The following CRYBA4 variants were observed in gnomAD, a reference collection of about 807,000 sequenced individuals.
The protein encoded by CRYBA4 is beta-crystallin A4.
Under a neutral mutation model 31.7 loss-of-function variants are expected in CRYBA4, and 30 were observed. That is an observed-to-expected ratio of 0.95 (90% CI 0.71 to 1.28). The LOEUF (loss-of-function observed/expected upper bound fraction) is 1.28, where lower values mean the gene tolerates loss of function less well. Among genes scored for constraint, CRYBA4 ranks in the 50% most tolerant of loss-of-function variants. CRYBA4 has a pLI of 0.00. For synonymous variants in CRYBA4, 102 were observed against 102.3 expected, an observed-to-expected ratio of 1.00 and a Z score of 0.02; for missense variants, 225 against 260.7, an observed-to-expected ratio of 0.86 and a Z score of 0.94.
At chr22:26,620,725 G>A (rs1448907824), upstream of CRYBA4, among the ~76,000 whole-genome samples, 1 of 151,958 alleles carries the variant, frequency 6.6e-6, no homozygotes, top group East Asian at 1.9e-4. Context: ...GCTACTCCCG[G>A]CTAATTTTTG....
chr22:26,629,265 G>A (rs1929847393), intron 5 of CRYBA4, among the ~76,000 whole-genome samples: 1 of 151,804 alleles, frequency 6.6e-6, no homozygotes, highest in Non-Finnish European at 1.5e-5. Flanking sequence ...ATGGGAGGTA[G>A]GGTTTTTCAT....
At chr22:26,613,372 C>A in the CRYBA4 span, among the ~76,000 whole-genome samples, 6 of 152,200 alleles carry the variant, frequency 3.9e-5, no homozygotes, top group Admixed American at 3.9e-4. Flanking sequence ...AAGAGAAACT[C>A]CTGTATGTGT....
chr22:26,616,847 G>C, the CRYBA4 span, among the ~76,000 whole-genome samples: 2 of 152,162 alleles, frequency 1.3e-5, no homozygotes, highest in Non-Finnish European at 2.9e-5. Flanking sequence ...CCCAGCTCAG[G>C]CCCAAACAGC....
At chr22:26,596,389 G>A in the CRYBA4 span, among the ~76,000 whole-genome samples, 1 of 152,184 alleles carries the variant, frequency 6.6e-6, no homozygotes, top group Non-Finnish European at 1.5e-5. Flanking sequence ...GAACCACTGT[G>A]CCTGGCCGCA....
chr22:26,592,253 G>A, the CRYBA4 span, among the ~76,000 whole-genome samples: 1 of 152,196 alleles, frequency 6.6e-6, no homozygotes, highest in Admixed American at 6.5e-5. Flanking sequence ...AGGTGTGAAT[G>A]GGGGCATTTG....
chr22:26,591,532 G>A, the CRYBA4 span, among the ~76,000 whole-genome samples: 17 of 150,554 alleles, frequency 1.1e-4, no homozygotes, highest in Non-Finnish European at 2.1e-4. Context: ...CACCAGGTCA[G>A]GAATCCAAGA....
At chr22:26,599,717 G>A in the CRYBA4 span, 39 of 1,524,504 alleles carry the variant, frequency 2.6e-5, no homozygotes, top group South Asian at 5.6e-5. Context: ...AGCCTGTCTC[G>A]TTGCCTGGCA....
At chr22:26,615,456 C>T in the CRYBA4 span, among the ~76,000 whole-genome samples, 87,442 of 151,970 alleles carry the variant, frequency 0.58, 25,560 homozygotes, top group East Asian at 0.8. Context: ...AGCTGTGAAG[C>T]GGTATGGTTT....
intron 4 of CRYBA4, among the ~76,000 whole-genome samples, chr22:26,626,886 A>G (rs1214081742): frequency 6.6e-6 from 1 of 152,180 alleles, no homozygotes; most frequent in Non-Finnish European, 1.5e-5. Context: ...ATTTTGTCAT[A>G]AAATTGGAAT....
rs145837016 is a variant in CRYBA4, at chr22:26,628,353, G to A, written c.366G>A (p.Leu122=). 16 of 1,613,904 alleles carry A rather than the reference G, an allele frequency of 9.9e-6. No homozygotes were observed. The highest frequency in any genetic ancestry group is 2.2e-5 in the East Asian group (1 of 44,884). ...QENFLGKKGE[L]SDDYPSLQAM... is the part of the protein sequence containing the mutation. ...ACTTCCTGGGCAAGAAAGGAGAGCTGAGCGATGACTATCCTTCCCTCCAGG... is the reference window on the plus strand; with the variant it reads ...ACTTCCTGGGCAAGAAAGGAGAGCTAAGCGATGACTATCCTTCCCTCCAGG... Residue 122 remains leucine, a synonymous_variant, in exon 5 of 6, where the codon CTG becomes CTA. Transcript: ENST00000354760.
intron 5 of CRYBA4, among the ~76,000 whole-genome samples, chr22:26,629,182 G>A (rs908198789): frequency 2.0e-5 from 3 of 152,178 alleles, no homozygotes; most frequent in African/African-American, 7.2e-5. Context: ...TAAGGTGTGA[G>A]ATTCTTATTT....
chr22:26,623,812 A>T (rs1343999066), intron 3 of CRYBA4, among the ~76,000 whole-genome samples: 1 of 152,084 alleles, frequency 6.6e-6, no homozygotes, highest in Non-Finnish European at 1.5e-5. Context: ...AGAGAGAGAG[A>T]TTAGTGAGAC....
chr22:26,616,219 C>G, the CRYBA4 span: 2 of 1,614,178 alleles, frequency 1.2e-6, no homozygotes, highest in Non-Finnish European at 1.7e-6. Flanking sequence ...AGTGCCGGGA[C>G]TAGGGGATGT....
chr22:26,614,874 A>T, the CRYBA4 span, among the ~76,000 whole-genome samples: 1 of 152,164 alleles, frequency 6.6e-6, no homozygotes, highest in Admixed American at 6.5e-5. Flanking sequence ...ATGTGTGTAT[A>T]CATTTTTAAA....
upstream of CRYBA4, among the ~76,000 whole-genome samples, chr22:26,618,905 A>G (rs1929449876): frequency 6.6e-6 from 1 of 152,144 alleles, no homozygotes; most frequent in African/African-American, 2.4e-5. Context: ...TCGCCACCCC[A>G]GTTCCCCGCC....
the CRYBA4 span, among the ~76,000 whole-genome samples, chr22:26,608,710 G>C: frequency 6.6e-6 from 1 of 152,098 alleles, no homozygotes; most frequent in African/African-American, 2.4e-5. Flanking sequence ...CGACAGTCTC[G>C]GAGGTACAGG....
chr22:26,613,667 C>A, the CRYBA4 span, among the ~76,000 whole-genome samples: 2 of 152,060 alleles, frequency 1.3e-5, no homozygotes, highest in African/African-American at 4.8e-5. Context: ...CGCCTCAGGA[C>A]CGTGTGATAA....
intron 4 of CRYBA4, among the ~76,000 whole-genome samples, 155 bp downstream of exon 4, chr22:26,625,777 C>T (rs1318398546): frequency 6.6e-6 from 1 of 152,212 alleles, no homozygotes; most frequent in East Asian, 1.9e-4. Context: ...TCGGTTTCTT[C>T]ATCTTGAAAT....
Position 26,625,627 on chromosome 22 carries a change from G to A in CRYBA4, c.300+5G>A. On this transcript the variant is annotated splice_donor_5th_base_variant and intron_variant, in intron 4 of 5. Coordinates refer to ENST00000354760, the MANE Select transcript of CRYBA4 (RefSeq NM_001886.3). ...TTCCGGCCTGCGGCCTGTGCTGTAAGTTCTACCACTGCTGCATCCCGGGGA... is the reference window on the plus strand; with the variant it reads ...TTCCGGCCTGCGGCCTGTGCTGTAAATTCTACCACTGCTGCATCCCGGGGA... 6.2e-7 allele frequency: 1 copy of A among 1,613,636 alleles called. No homozygotes were observed. The highest frequency in any genetic ancestry group is 8.5e-7 in the Non-Finnish European group (1 of 1,179,890).
Sources: allele counts gnomAD v4.1 joint callset (sites outside exome capture counted in the v4.1 genomes callset), GRCh38; gene constraint gnomAD v4.1.1; transcripts MANE v1.5; gene names NCBI Gene and HGNC (gene_info 2026-07-23, HGNC 2026-07-21).